TCF4: variants seen among roughly 807,000 people sequenced by gnomAD.
TCF4 encodes transcription factor 4.
A neutral mutation model predicts 82.1 loss-of-function variants in TCF4; 3 were observed. That is an observed-to-expected ratio of 0.04 (90% CI 0.02 to 0.09). The LOEUF is 0.09. Among genes scored for constraint, TCF4 ranks in the 10% least tolerant of loss-of-function variants. TCF4 has a pLI of 1.00. For synonymous variants in TCF4, 276 were observed against 309.6 expected (o/e 0.89, Z 1.14); for missense variants, 518 against 852.7 (o/e 0.61, Z 4.89).
chr18:55,467,980 C>T (rs1040324338), intron 3 of TCF4, among the ~76,000 whole-genome samples: 2 of 152,130 alleles, frequency 1.3e-5, no homozygotes, highest in African/African-American at 4.8e-5. Flanking sequence ...AGCTTGGACA[C>T]AAAAGGAGGC....
At chr18:55,321,704 C>T (rs868435819) in intron 8 of TCF4, 1 of 1,536,166 alleles carries the variant, frequency 6.5e-7, no homozygotes, top group Non-Finnish European at 8.7e-7. Flanking sequence ...CAAAGAGTTG[C>T]CGCCCATGCC....
At chr18:55,477,035 C>G (rs2096305193) in intron 3 of TCF4, among the ~76,000 whole-genome samples, 1 of 152,108 alleles carries the variant, frequency 6.6e-6, no homozygotes, top group African/African-American at 2.4e-5. Context: ...TAAAACAGTT[C>G]CCATATGTTA....
chr18:55,421,910 C>G (rs1257901027), intron 5 of TCF4, among the ~76,000 whole-genome samples: 1 of 152,004 alleles, frequency 6.6e-6, no homozygotes, highest in Non-Finnish European at 1.5e-5. Context: ...AAATTAACAG[C>G]TCTCTGTGTT....
At chr18:55,488,343 A>G (rs932845219) in intron 3 of TCF4, among the ~76,000 whole-genome samples, 5 of 152,216 alleles carry the variant, frequency 3.3e-5, no homozygotes, top group Admixed American at 2.6e-4. Context: ...AAAACATACC[A>G]TAGCCTTCTG....
intron 5 of TCF4, among the ~76,000 whole-genome samples, chr18:55,413,264 A>G (rs150321410): frequency 6.6e-6 from 1 of 152,240 alleles, no homozygotes; most frequent in African/African-American, 2.4e-5. Context: ...GTAATATATT[A>G]AATGATCATT....
chr18:55,313,312 T>C (rs1230923223), intron 8 of TCF4, among the ~76,000 whole-genome samples: 1 of 152,186 alleles, frequency 6.6e-6, no homozygotes, highest in African/African-American at 2.4e-5. Context: ...GGATCCATGC[T>C]ACATATTAAG....
rs1472222156 is a variant in TCF4, at chr18:55,542,666, A to G, written c.145+42614T>C. On this transcript the variant is annotated intron_variant, in intron 3 of 19. Transcript: ENST00000354452. ...AGATAGAACAATAGCCAACACACAC[A>G]CACATATATGTACACACAATCTGCC... Among the ~76,000 whole-genome samples the G allele has an allele frequency of 3.3e-5, 5 of 151,998 alleles. No individual in the cohort carries two copies. In the South Asian group the frequency reaches 1.0e-3, roughly 31 times the overall value.
At chr18:55,635,455 G>T (rs1012320530) in intron 1 of TCF4, among the ~76,000 whole-genome samples, 1 of 151,456 alleles carries the variant, frequency 6.6e-6, no homozygotes, top group African/African-American at 2.4e-5. Flanking sequence ...GCTGCAGTGA[G>T]CCAAGAATGT....
At chr18:55,378,841 T>C (rs945660759) in intron 6 of TCF4, among the ~76,000 whole-genome samples, 1 of 152,352 alleles carries the variant, frequency 6.6e-6, no homozygotes, top group East Asian at 1.9e-4. Flanking sequence ...TTGGACGCAC[T>C]AGCAAGAACA....
At chr18:55,580,203 G>T (rs763520345) in intron 3 of TCF4, among the ~76,000 whole-genome samples, 1 of 151,940 alleles carries the variant, frequency 6.6e-6, no homozygotes, top group Non-Finnish European at 1.5e-5. Flanking sequence ...AACATTTTAA[G>T]CACATGTCTG....
chr18:55,363,952 A>G (rs1162274023), intron 6 of TCF4, among the ~76,000 whole-genome samples: 2 of 152,202 alleles, frequency 1.3e-5, no homozygotes. Flanking sequence ...ATAAAACTAA[A>G]TAGACTGGGG....
intron 3 of TCF4, among the ~76,000 whole-genome samples, chr18:55,503,794 G>T (rs1394076918): frequency 6.6e-6 from 1 of 152,168 alleles, no homozygotes; most frequent in Admixed American, 6.5e-5. Context: ...TATTCTAATG[G>T]CCGGGCACTG....
intron 3 of TCF4, chr18:55,510,578 C>A: frequency 6.7e-7 from 1 of 1,496,304 alleles, no homozygotes; most frequent in Non-Finnish European, 8.9e-7. Context: ...TAAATATTTA[C>A]CTCTGCTGTC....
intron 8 of TCF4, among the ~76,000 whole-genome samples, chr18:55,340,917 C>G (rs997680969): frequency 7.2e-5 from 11 of 152,108 alleles, no homozygotes; most frequent in African/African-American, 2.4e-4. Flanking sequence ...CCCCTAAAAA[C>G]CCAGTTGATC....
chr18:55,501,356 C>T (rs2096698800), intron 3 of TCF4, among the ~76,000 whole-genome samples: 1 of 151,982 alleles, frequency 6.6e-6, no homozygotes, highest in Non-Finnish European at 1.5e-5. Context: ...ACCTTAAGGC[C>T]ATAACAATAT....
intron 8 of TCF4, among the ~76,000 whole-genome samples, chr18:55,323,647 T>C (rs931114456): frequency 3.3e-5 from 5 of 152,226 alleles, no homozygotes; most frequent in Non-Finnish European, 7.3e-5. Flanking sequence ...TAGTTGTCAA[T>C]CTGACAGGAT....
intron 1 of TCF4, among the ~76,000 whole-genome samples, chr18:55,635,533 G>T (rs1011508365): frequency 5.9e-5 from 9 of 151,482 alleles, no homozygotes; most frequent in African/African-American, 1.9e-4. Context: ...AAAAGAAAAA[G>T]AAAAAAAGAA....
At chr18:55,271,721 C>CACCCA in intron 10 of TCF4, among the ~76,000 whole-genome samples, 1 of 152,056 alleles carries the variant, frequency 6.6e-6, no homozygotes, top group Non-Finnish European at 1.5e-5. Context: ...ACCTAATGAA[C>CACCCA]ACCCAAGGTA....
At chr18:55,255,530 T>C (rs2145539179) in intron 14 of TCF4, among the ~76,000 whole-genome samples, 1 of 152,302 alleles carries the variant, frequency 6.6e-6, no homozygotes, top group Admixed American at 6.5e-5. Context: ...GTATAGTTTT[T>C]AGTGAAGAAA....
Sources: allele counts gnomAD v4.1 joint callset (sites outside exome capture counted in the v4.1 genomes callset), GRCh38; gene constraint gnomAD v4.1.1; transcripts MANE v1.5; gene names NCBI Gene and HGNC (gene_info 2026-07-23, HGNC 2026-07-21).